CLEC2A: variants seen among roughly 807,000 people sequenced by gnomAD.
CLEC2A encodes C-type lectin domain family 2 member A.
In CLEC2A, 19 loss-of-function variants were observed where a neutral mutation model predicts 18.6. The observed-to-expected ratio is 1.02, with a 90% CI of 0.71 to 1.50. The LOEUF is 1.50. CLEC2A is among the 40% of genes most tolerant of loss of function. CLEC2A has a pLI of 0.00. For missense variants in CLEC2A, 190 were observed against 207.9 expected, an observed-to-expected ratio of 0.91 and a Z score of 0.53; for synonymous variants, 74 against 64.0, an observed-to-expected ratio of 1.16 and a Z score of -0.75.
At chr12:9,913,132 T>G, downstream of CLEC2A, 1 of 190,416 alleles carries the variant, frequency 5.3e-6, no homozygotes, top group Non-Finnish European at 9.7e-6. Context: ...GAACCTACTA[T>G]TTGGTCACTT....
intron 1 of CLEC2A, 78 bp from the exon 2 acceptor site, chr12:9,926,421 C>T: frequency 1.2e-6 from 1 of 858,556 alleles, no homozygotes; most frequent in Middle Eastern, 2.9e-4. Context: ...TATTCCTCTC[C>T]TATAATTGTT....
intron 2 of CLEC2A, among the ~76,000 whole-genome samples, chr12:9,923,839 A>G (rs1438963188): frequency 6.6e-6 from 1 of 152,140 alleles, no homozygotes; most frequent in African/African-American, 2.4e-5. Context: ...CAGAAAACCA[A>G]ACACCACATG....
At chr12:9,892,876 G>A in the CLEC2A span, 19 of 611,514 alleles carry the variant, frequency 3.1e-5, no homozygotes, top group South Asian at 2.8e-4. Flanking sequence ...GAGCCACCGC[G>A]CCTGGTCTGA....
downstream of CLEC2A, among the ~76,000 whole-genome samples, chr12:9,908,777 T>G (rs1862940509): frequency 6.6e-6 from 1 of 152,150 alleles, no homozygotes; most frequent in Non-Finnish European, 1.5e-5. Flanking sequence ...GGCCCCCCTG[T>G]GTTCTTTATA....
the CLEC2A span, among the ~76,000 whole-genome samples, chr12:9,887,895 A>AAT: frequency 6.6e-6 from 1 of 151,696 alleles, no homozygotes; most frequent in Non-Finnish European, 1.5e-5. Context: ...CTAATAAAAA[A>AAT]ATACACAAAA....
chr12:9,897,644 A>G (rs1375846738), downstream of CLEC2A, among the ~76,000 whole-genome samples: 1 of 151,744 alleles, frequency 6.6e-6, no homozygotes, highest in African/African-American at 2.4e-5. Flanking sequence ...ACACAAGCTG[A>G]AGAGGCCAGG....
downstream of CLEC2A, among the ~76,000 whole-genome samples, chr12:9,895,992 T>C (rs1285199024): frequency 6.6e-6 from 1 of 152,236 alleles, no homozygotes; most frequent in Admixed American, 6.5e-5. Context: ...TAAAGACAAC[T>C]TCTGAACAGA....
chr12:9,909,100 T>C (rs1862945106), downstream of CLEC2A, among the ~76,000 whole-genome samples: 1 of 152,244 alleles, frequency 6.6e-6, no homozygotes. Context: ...TTAACATTCC[T>C]TGTCCTAGGG....
chr12:9,912,035 C>G (rs553625924), downstream of CLEC2A, among the ~76,000 whole-genome samples: 1 of 151,876 alleles, frequency 6.6e-6, no homozygotes, highest in Non-Finnish European at 1.5e-5. Flanking sequence ...TTAGAGAGTA[C>G]AAACAGTGAT....
the CLEC2A span, among the ~76,000 whole-genome samples, chr12:9,884,032 C>A: frequency 6.6e-6 from 1 of 152,072 alleles, no homozygotes; most frequent in Non-Finnish European, 1.5e-5. Flanking sequence ...GCCTGGCAAA[C>A]TGACTAAAAT....
chr12:9,903,130 T>A (rs1447137188), intron 4 of CLEC2A, among the ~76,000 whole-genome samples: 1 of 151,802 alleles, frequency 6.6e-6, no homozygotes, highest in Admixed American at 6.6e-5. Context: ...CATTACACAA[T>A]TAAACCCTTT....
intron 1 of CLEC2A, among the ~76,000 whole-genome samples, chr12:9,930,586 A>T: frequency 2.0e-5 from 3 of 150,066 alleles, no homozygotes; most frequent in East Asian, 3.9e-4. Context: ...AATTTTGTAT[A>T]TTTTTCTTTC....
At chr12:9,892,648 G>A in the CLEC2A span, among the ~76,000 whole-genome samples, 1 of 138,046 alleles carries the variant, frequency 7.2e-6, no homozygotes, top group Non-Finnish European at 1.5e-5. Flanking sequence ...GTAATGGCTC[G>A]ATCACGGCTC....
chr12:9,887,084 G>T, the CLEC2A span, among the ~76,000 whole-genome samples: 3 of 151,958 alleles, frequency 2.0e-5, no homozygotes, highest in Non-Finnish European at 4.4e-5. Context: ...TATCCAGAAA[G>T]GTCAATAGCT....
the CLEC2A span, among the ~76,000 whole-genome samples, chr12:9,888,400 G>A: frequency 6.6e-6 from 1 of 151,988 alleles, no homozygotes; most frequent in South Asian, 2.1e-4. Context: ...TGAGGTAGGA[G>A]AATGGCGAGA....
downstream of CLEC2A, among the ~76,000 whole-genome samples, chr12:9,897,881 G>A (rs1327283843): frequency 6.6e-6 from 1 of 152,016 alleles, no homozygotes; most frequent in Admixed American, 6.5e-5. Flanking sequence ...TCTATTCCTT[G>A]GATTTTAACT....
chr12:9,926,633 TTGAA>T (rs1280712733), intron 1 of CLEC2A, among the ~76,000 whole-genome samples: 3 of 151,978 alleles, frequency 2.0e-5, no homozygotes, highest in Non-Finnish European at 2.9e-5. Flanking sequence ...TAGAAATAGT[TTGAA>T]TGGGGGATTT....
chr12:9,919,994 C>T (rs1863139712), intron 3 of CLEC2A, among the ~76,000 whole-genome samples: 1 of 152,180 alleles, frequency 6.6e-6, no homozygotes, highest in Non-Finnish European at 1.5e-5. Flanking sequence ...GGACCACTTC[C>T]ACCCCTGGTC....
At chr12:9,888,286 C>G in the CLEC2A span, among the ~76,000 whole-genome samples, 2 of 151,538 alleles carry the variant, frequency 1.3e-5, no homozygotes, top group African/African-American at 4.8e-5. Context: ...GTCAGGAGAT[C>G]GAGACCATCC....
Sources: gnomAD v4.1 joint callset for allele counts (sites outside exome capture counted in the v4.1 genomes callset) on GRCh38, gnomAD v4.1.1 for gene constraint, MANE v1.5 for transcripts, NCBI Gene and HGNC (gene_info 2026-07-23, HGNC 2026-07-21) for gene names.